XKR4: variants seen among roughly 807,000 people sequenced by gnomAD.
XKR4 encodes XK-related protein 4.
XKR4 carries 12 observed loss-of-function variants against 53.9 expected under a neutral mutation model. The observed-to-expected ratio is 0.22, with a 90% CI of 0.14 to 0.36. The LOEUF (loss-of-function observed/expected upper bound fraction) is 0.36, where lower values mean the gene tolerates loss of function less well. Among genes scored for constraint, XKR4 ranks in the 10% least tolerant of loss-of-function variants. The pLI is 1.00. For missense variants in XKR4, 799 were observed against 859.5 expected (o/e 0.93, Z 0.88); for synonymous variants, 354 against 362.4 (o/e 0.98, Z 0.26).
At chr8:55,422,795 T>C (rs1804954263) in intron 2 of XKR4, among the ~76,000 whole-genome samples, 2 of 152,182 alleles carry the variant, frequency 1.3e-5, no homozygotes, top group South Asian at 4.2e-4. Flanking sequence ...GGAAAAAAAC[T>C]TGAGGTAAAG....
At chr8:55,210,922 G>A (rs1173327839) in intron 1 of XKR4, among the ~76,000 whole-genome samples, 2 of 152,176 alleles carry the variant, frequency 1.3e-5, no homozygotes, top group Admixed American at 1.3e-4. Context: ...GTTACTCCAT[G>A]CTACTTTGTT....
At chr8:55,137,170 G>GA (rs1174161760) in intron 1 of XKR4, among the ~76,000 whole-genome samples, 4 of 151,828 alleles carry the variant, frequency 2.6e-5, no homozygotes, top group African/African-American at 9.7e-5. Context: ...TAATCTGCTA[G>GA]AAAAAAGGTT....
intron 2 of XKR4, among the ~76,000 whole-genome samples, chr8:55,445,279 G>A (rs1199279341): frequency 1.3e-5 from 2 of 152,084 alleles, no homozygotes; most frequent in East Asian, 1.9e-4. Context: ...GGATGGTCTC[G>A]ATCTCCTGAC....
chr8:55,115,505 C>T (rs1459392111), intron 1 of XKR4, among the ~76,000 whole-genome samples: 2 of 152,044 alleles, frequency 1.3e-5, no homozygotes, highest in Non-Finnish European at 2.9e-5. Context: ...CCATTATTTG[C>T]TGGGTGTGGT....
intron 2 of XKR4, among the ~76,000 whole-genome samples, chr8:55,444,075 G>A (rs979098129): frequency 2.6e-5 from 4 of 152,116 alleles, no homozygotes; most frequent in African/African-American, 9.7e-5. Flanking sequence ...GGAGGCTGAG[G>A]CACAAGAATC....
Position 55,220,755 on chromosome 8 carries a change from C to T in XKR4, c.806+117461C>T, listed in dbSNP as rs530533948. Among the ~76,000 whole-genome samples the T allele has an allele frequency of 3.9e-5, 6 of 152,322 alleles. No individual in the cohort carries two copies. The South Asian group carries it at 1.0e-3, about 26-fold the overall frequency. The stretch of plus-strand genomic sequence containing the variant: ...CAGAAGCTGAGCCCTCCATTCTCTT[C>T]CCCCAGTATCTGGTTCTAGCATTAC... On this transcript the variant is annotated intron_variant, in intron 1 of 2. Coordinates refer to ENST00000327381, the MANE Select transcript of XKR4 (RefSeq NM_052898.2).
intron 2 of XKR4, among the ~76,000 whole-genome samples, chr8:55,466,400 CCT>C (rs869054309): frequency 2.0e-5 from 3 of 151,890 alleles, no homozygotes; most frequent in Non-Finnish European, 4.4e-5. Flanking sequence ...AAACCAAACA[CCT>C]CGTGTTCTCA....
chr8:55,475,362 A>T (rs1279201293), intron 2 of XKR4, among the ~76,000 whole-genome samples: 2 of 149,344 alleles, frequency 1.3e-5, no homozygotes, highest in Non-Finnish European at 3.0e-5. Flanking sequence ...CAGACCAGCG[A>T]TTCATAAATG....
chr8:55,457,091 G>A (rs1805580803), intron 2 of XKR4, among the ~76,000 whole-genome samples: 1 of 150,480 alleles, frequency 6.6e-6, no homozygotes, highest in African/African-American at 2.4e-5. Context: ...TATAAACAGT[G>A]AAGACCAGGA....
At chr8:55,509,238 T>C (rs28513209) in intron 2 of XKR4, among the ~76,000 whole-genome samples, 4,079 of 152,314 alleles carry the variant, frequency 0.027, 199 homozygotes, top group African/African-American at 0.093. Context: ...AGGTTCTTTC[T>C]TGCCATTTAT....
At chr8:55,198,329 C>T (rs892307876) in intron 1 of XKR4, among the ~76,000 whole-genome samples, 2 of 152,246 alleles carry the variant, frequency 1.3e-5, no homozygotes, top group Admixed American at 6.5e-5. Context: ...AACATACCTT[C>T]CTGAATGTCA....
chr8:55,368,385 C>T (rs1438717562), intron 2 of XKR4, among the ~76,000 whole-genome samples: 2 of 152,190 alleles, frequency 1.3e-5, no homozygotes, highest in African/African-American at 4.8e-5. Flanking sequence ...CAAGTCTCCC[C>T]ACTCTCCCAC....
At chr8:55,404,615 C>A (rs1804658029) in intron 2 of XKR4, among the ~76,000 whole-genome samples, 1 of 152,206 alleles carries the variant, frequency 6.6e-6, no homozygotes, top group Non-Finnish European at 1.5e-5. Flanking sequence ...ATTTTAATTT[C>A]TGTGATCTAT....
intron 2 of XKR4, among the ~76,000 whole-genome samples, chr8:55,517,040 C>T (rs1563371365): frequency 6.6e-6 from 1 of 152,082 alleles, no homozygotes; most frequent in African/African-American, 2.4e-5. Context: ...AGGTCAAATA[C>T]CGCATGTTCT....
intron 1 of XKR4, among the ~76,000 whole-genome samples, chr8:55,233,438 C>A (rs1232969004): frequency 1.3e-5 from 2 of 151,882 alleles, no homozygotes; most frequent in African/African-American, 4.8e-5. Context: ...GAGATAGCTA[C>A]CTTTCAGGTC....
At chr8:55,301,493 T>C in intron 1 of XKR4, among the ~76,000 whole-genome samples, 3 of 152,112 alleles carry the variant, frequency 2.0e-5, no homozygotes. Flanking sequence ...TGATTTATAA[T>C]CCTTTGGGTA....
At chr8:55,326,208 A>C (rs1156858137) in intron 1 of XKR4, among the ~76,000 whole-genome samples, 1 of 152,168 alleles carries the variant, frequency 6.6e-6, no homozygotes, top group Non-Finnish European at 1.5e-5. Flanking sequence ...TTCAGGCAAA[A>C]AAATCATATA....
rs184268146 is a variant in XKR4, at chr8:55,301,102, G to T, written c.807-56576G>T. 3.6e-3 allele frequency among the ~76,000 whole-genome samples: 547 copies of T among 151,256 alleles called. 3 individuals are homozygous for T. The highest frequency in any genetic ancestry group is 0.013 in the African/African-American group (521 of 41,120). The stretch of plus-strand genomic sequence containing the variant: ...GCTGGTGTGCTGCACCCATTAACTG[G>T]TCATTTAGCATTAGGTGTATCTCCT... On this transcript the variant is annotated intron_variant, in intron 1 of 2. Transcript: ENST00000327381.
chr8:55,459,650 C>T (rs1008303911), intron 2 of XKR4, among the ~76,000 whole-genome samples: 1 of 151,718 alleles, frequency 6.6e-6, no homozygotes, highest in African/African-American at 2.4e-5. Flanking sequence ...ACCAAAAACA[C>T]ATACACAGAA....
Sources: gnomAD v4.1 joint callset for allele counts (sites outside exome capture counted in the v4.1 genomes callset) on GRCh38, gnomAD v4.1.1 for gene constraint, MANE v1.5 for transcripts, NCBI Gene and HGNC (gene_info 2026-07-23, HGNC 2026-07-21) for gene names.